Variants in PRMT7 observed in about 807,000 individuals in gnomAD.
PRMT7 encodes the protein protein arginine methyltransferase 7.
Under a neutral mutation model 85.4 loss-of-function variants are expected in PRMT7, and 75 were observed. That is an observed-to-expected ratio of 0.88 (90% confidence interval 0.73 to 1.06). PRMT7 has a LOEUF of 1.06. Ranked by LOEUF, PRMT7 falls within the 50% of genes least tolerant of loss-of-function variation. The probability of loss-of-function intolerance (pLI) is 0.00; values close to 1 mark genes in which losing one functional copy is unlikely to be tolerated. For synonymous variants in PRMT7, 397 were observed against 359.5 expected (o/e 1.10, Z -1.18); for missense variants, 868 against 915.2 (o/e 0.95, Z 0.67).
intron 17 of PRMT7, 66 bp downstream of exon 17, chr16:68,355,949 T>C: frequency 3.5e-6 from 5 of 1,430,584 alleles, no homozygotes; most frequent in Non-Finnish European, 4.6e-6. Context: ...CTCACCCCCG[T>C]GGTGAGCACA....
chr16:68,325,377 T>C (rs4783619), intron 5 of PRMT7, among the ~76,000 whole-genome samples: 94,313 of 152,034 alleles, frequency 0.62, 29,554 homozygotes, highest in East Asian at 0.78. Flanking sequence ...ATTGTGGGAC[T>C]TTGTTGTTTC....
chr16:68,356,942 C>T (rs1312229356), intron 18 of PRMT7, 112 bp from the exon 19 acceptor site: 2 of 1,388,560 alleles, frequency 1.4e-6, no homozygotes, highest in Admixed American at 4.4e-5. Context: ...CCTGGGCCAT[C>T]TGGCCCCTGA....
intron 3 of PRMT7, chr16:68,317,046 C>A (rs1418968969): frequency 2.0e-5 from 3 of 151,820 alleles, no homozygotes; most frequent in Non-Finnish European, 4.4e-5. Context: ...AGTTCGAGAC[C>A]AGCCTGGCCA....
chr16:68,317,559 G>T (rs1261142501), intron 3 of PRMT7, among the ~76,000 whole-genome samples: 1 of 152,150 alleles, frequency 6.6e-6, no homozygotes, highest in Non-Finnish European at 1.5e-5. Context: ...TGGGCACAGT[G>T]GCTCATGCCT....
rs1316138681 is a variant in PRMT7 at position 68,345,677 on chromosome 16, G to A, written c.930G>A (p.Trp310Ter). The change falls in exon 10 of 19, where the codon TGG (tryptophan) becomes TGA (stop). Residue 310 changes from tryptophan to a stop codon, truncating the protein, a stop_gained and splice_region_variant. Coordinates refer to ENST00000441236, the MANE Select transcript of PRMT7 (RefSeq NM_019023.5). LOFTEE classifies it high-confidence loss of function. Reference sequence around the variant, plus strand: ...GCTGACTCTGTTCTCCGTTTCAGTGGCGGGACCACTGGATGCAGTGTGTGT... The same window carrying A: ...GCTGACTCTGTTCTCCGTTTCAGTGACGGGACCACTGGATGCAGTGTGTGT... The part of the protein sequence containing the change: ...WAHSDPEEMQ[W>*]RDHWMQCVYF... 2 of 1,611,564 alleles carry A rather than the reference G, an allele frequency of 1.2e-6. No individual in the cohort carries two copies. Among genetic ancestry groups the A allele is most frequent in the African/African-American group, 2.7e-5 (2 of 74,930 alleles).
chr16:68,341,296 G>A (rs940823509), intron 9 of PRMT7, among the ~76,000 whole-genome samples: 4 of 152,160 alleles, frequency 2.6e-5, no homozygotes, highest in East Asian at 1.9e-4. Context: ...AAACCAATTC[G>A]CTGACACCAT....
intron 6 of PRMT7, among the ~76,000 whole-genome samples, chr16:68,336,218 G>C (rs2084668344): frequency 6.6e-6 from 1 of 152,172 alleles, no homozygotes; most frequent in Admixed American, 6.5e-5. Flanking sequence ...CTGATGAATA[G>C]CCCCTTCCAA....
intron 5 of PRMT7, among the ~76,000 whole-genome samples, chr16:68,325,155 T>C (rs888618153): frequency 6.6e-5 from 10 of 151,452 alleles, no homozygotes; most frequent in African/African-American, 2.4e-4. Flanking sequence ...CCCAGGAGTT[T>C]GAGACCAGCC....
At position 68,346,230 on chromosome 16, in the gene PRMT7, G is replaced by A; in HGVS notation, c.1141G>A (p.Glu381Lys). The change falls in exon 11 of 19, where the codon GAG becomes AAG. Residue 381 changes from glutamate (E) to lysine (K), a missense_variant. Physicochemically the swap from Glu to Lys is moderately conservative, Grantham distance 56. Coordinates refer to ENST00000441236, the MANE Select transcript of PRMT7 (RefSeq NM_019023.5). ...HLLWNRPRFG[E>K]INDQDRTDRY... is the part of the protein sequence containing the mutation. ...GCTCTGGAACCGGCCTCGGTTTGGAGAGATCAATGACCAGGACAGAACTGA... is the reference window on the plus strand; with the variant it reads ...GCTCTGGAACCGGCCTCGGTTTGGAAAGATCAATGACCAGGACAGAACTGA... 1 of 1,614,230 alleles carries A rather than the reference G, an allele frequency of 6.2e-7. No individual in the cohort carries two copies. The highest frequency in any genetic ancestry group is 8.5e-7 in the Non-Finnish European group (1 of 1,180,046).
intron 9 of PRMT7, among the ~76,000 whole-genome samples, chr16:68,344,479 A>T (rs1179908777): frequency 6.6e-6 from 1 of 152,206 alleles, no homozygotes; most frequent in African/African-American, 2.4e-5. Flanking sequence ...AGCAGCGTTT[A>T]AGATGTCTGT....
At chr16:68,353,602 C>T (rs781451304) in intron 16 of PRMT7, 36 bp downstream of exon 16, 1 of 1,506,834 alleles carries the variant, frequency 6.6e-7, no homozygotes. Context: ...TACCCCCGAC[C>T]TGCTCCTGTA....
chr16:68,348,887 T>C (rs12708883), intron 14 of PRMT7, among the ~76,000 whole-genome samples: 93,117 of 151,740 alleles, frequency 0.61, 28,771 homozygotes, highest in East Asian at 0.79. Context: ...GATCTGCCAG[T>C]CTCAGCCTCC....
chr16:68,345,630 C>G, intron 9 of PRMT7, 45 bp from the exon 10 acceptor site: 1 of 1,610,016 alleles, frequency 6.2e-7, no homozygotes, highest in Admixed American at 1.7e-5. Flanking sequence ...AGAAGCATTG[C>G]TCATACTGCA....
At chr16:68,346,318 G>T in intron 11 of PRMT7, 38 bp downstream of exon 11, 2 of 1,609,028 alleles carry the variant, frequency 1.2e-6, no homozygotes, top group Admixed American at 3.3e-5. Flanking sequence ...TGGGGAAAAG[G>T]GAGAAAGAAG....
rs755262162 is a variant in PRMT7 at position 68,348,419 on chromosome 16, A to G, written c.1401A>G (p.Leu467=). ...KRPELLTNED[L]QGRKVSLLLG... ...CGGAATTATTAACAAATGAGGACCT[A>G]CAGGGCAGAAAGGTGAGTAGCGGGA... Residue 467 remains leucine (L), a synonymous_variant, in exon 14 of 19, where the codon CTA becomes CTG. Coordinates refer to ENST00000441236, the MANE Select transcript of PRMT7 (RefSeq NM_019023.5). 6.2e-7 allele frequency: 1 copy of G among 1,611,092 alleles called. No individual in the cohort carries two copies.
At chr16:68,328,130 C>A in intron 5 of PRMT7, 2 of 325,310 alleles carry the variant, frequency 6.1e-6, no homozygotes, top group Non-Finnish European at 1.3e-5. Flanking sequence ...GAAGCAGCTC[C>A]ACTGTGAATG....
chr16:68,313,371 G>C (rs1434021481), intron 2 of PRMT7, among the ~76,000 whole-genome samples: 1 of 152,162 alleles, frequency 6.6e-6, no homozygotes, highest in African/African-American at 2.4e-5. Context: ...CTTCAGAATT[G>C]ATTCCACATG....
At chr16:68,316,154 C>T (rs745671123) in intron 3 of PRMT7, 80 bp downstream of exon 3, 21 of 1,245,382 alleles carry the variant, frequency 1.7e-5, no homozygotes, top group East Asian at 4.7e-5. Flanking sequence ...CCAGTCTGAG[C>T]GTGGGCTAGG....
intron 6 of PRMT7, among the ~76,000 whole-genome samples, chr16:68,332,061 T>C (rs1325992757): frequency 6.6e-6 from 1 of 152,230 alleles, no homozygotes; most frequent in Non-Finnish European, 1.5e-5. Flanking sequence ...TCGTTGGTTT[T>C]GCTTTTTAAA....
Sources: gnomAD v4.1 joint callset for allele counts (sites outside exome capture counted in the v4.1 genomes callset) on GRCh38, gnomAD v4.1.1 for gene constraint, MANE v1.5 for transcripts, NCBI Gene and HGNC (gene_info 2026-07-23, HGNC 2026-07-21) for gene names.